RBM39: variants seen among roughly 807,000 people sequenced by gnomAD.
RBM39 encodes the protein RNA-binding protein 39.
A neutral mutation model predicts 79.6 loss-of-function variants in RBM39; 12 were observed. The ratio of observed to expected loss-of-function variants is 0.15; its 90% CI spans 0.10 to 0.24. The LOEUF is 0.24. Ranked by LOEUF, RBM39 falls within the 10% of genes least tolerant of loss-of-function variation. The probability of loss-of-function intolerance (pLI) is 1.00; values close to 1 mark genes in which losing one functional copy is unlikely to be tolerated. For synonymous variants in RBM39, 185 were observed against 208.4 expected (o/e 0.89, Z 0.97); for missense variants, 243 against 653.4 (o/e 0.37, Z 6.85).
intron 12 of RBM39, among the ~76,000 whole-genome samples, chr20:35,709,679 T>C (rs937875854): frequency 5.3e-5 from 8 of 152,310 alleles, no homozygotes; most frequent in Admixed American, 4.6e-4. Context: ...CTTAACACTT[T>C]AAAAGGATAT....
chr20:35,705,349 G>C lies in RBM39; in HGVS notation c.1308-19C>G, dbSNP rs1318288387. 7.3e-7 allele frequency: 1 copy of C among 1,374,354 alleles called. No individual in the cohort carries two copies. Among genetic ancestry groups the C allele is most frequent in the Non-Finnish European group, 1.0e-6 (1 of 980,878 alleles). 85.1% of individuals were successfully genotyped at this position (1,374,354 alleles called of 1,614,324 possible). On this transcript the variant is annotated intron_variant, in intron 14 of 16. Coordinates refer to ENST00000253363, the MANE Select transcript of RBM39 (RefSeq NM_184234.3). ...TTCTTCTCTGTAAGAAAGTATTAAG[G>C]ACTCTTAAATACTATTGAAACTAAC...
intron 15 of RBM39, chr20:35,704,952 G>A (rs141525465): frequency 6.5e-5 from 39 of 595,782 alleles, no homozygotes; most frequent in Admixed American, 2.3e-4. Context: ...TTTTCTCTAC[G>A]ATTTGTATGC....
intron 4 of RBM39, chr20:35,731,243 TA>T (rs1389995687): frequency 6.6e-6 from 1 of 152,206 alleles, no homozygotes; most frequent in African/African-American, 2.4e-5. Context: ...TAAAGATTGC[TA>T]GATGCAATCC....
At chr20:35,704,971 A>G in intron 15 of RBM39, 1 of 590,932 alleles carries the variant, frequency 1.7e-6, no homozygotes, top group South Asian at 2.2e-5. Context: ...GCAGCCTAAG[A>G]ATGAATCAAG....
At chr20:35,706,023 G>A (rs551650734) in intron 14 of RBM39, among the ~76,000 whole-genome samples, 3 of 151,138 alleles carry the variant, frequency 2.0e-5, no homozygotes, top group South Asian at 2.1e-4. Context: ...CCAACATGGC[G>A]AAACCCCAGC....
At position 35,724,666 on chromosome 20, in the gene RBM39, A is replaced by C. The variant is rs2038425642; in HGVS notation, c.591T>G (p.Ala197=). ...AGCTAACATCGACGAACTCCACATAAGCAATTCCTTTGGAACGTCTTGAAT... is the reference window on the plus strand; with the variant it reads ...AGCTAACATCGACGAACTCCACATACGCAATTCCTTTGGAACGTCTTGAAT... The part of the protein sequence containing the change: ...DRNSRRSKGI[A]YVEFVDVSSV... The change falls in exon 8 of 17, where the codon GCT becomes GCG. Residue 197 remains alanine (A), a synonymous_variant. Transcript: ENST00000253363. 1 of 1,614,060 alleles carries C rather than the reference A, an allele frequency of 6.2e-7. No individual in the cohort carries two copies. The highest frequency in any genetic ancestry group is 1.3e-5 in the African/African-American group (1 of 74,934).
intron 2 of RBM39, chr20:35,740,497 G>A (rs1364820250): frequency 7.9e-7 from 1 of 1,264,454 alleles, no homozygotes; most frequent in African/African-American, 1.5e-5. Context: ...GGGGACCACG[G>A]TACAGCGATA....
chr20:35,721,928 A>G (rs369659717), intron 8 of RBM39, 51 bp from the exon 9 acceptor site: 2 of 1,563,234 alleles, frequency 1.3e-6, no homozygotes, highest in Non-Finnish European at 1.8e-6. Context: ...CAGTTTAAAG[A>G]CATACACCTT....
chr20:35,741,437 T>C (rs2066066), intron 1 of RBM39: 28,513 of 152,810 alleles, frequency 0.19, 3,074 homozygotes, highest in African/African-American at 0.31. Flanking sequence ...TAAAGTGACA[T>C]GCACTTTAAC....
At chr20:35,729,278 T>C (rs763710512) in intron 6 of RBM39, 34 bp downstream of exon 6, 1 of 1,541,196 alleles carries the variant, frequency 6.5e-7, no homozygotes, top group Non-Finnish European at 8.7e-7. Flanking sequence ...GCAAAAGCTT[T>C]TTAAGAGCTA....
chr20:35,719,292 A>G (rs1387755128), intron 9 of RBM39, among the ~76,000 whole-genome samples: 1 of 152,010 alleles, frequency 6.6e-6, no homozygotes, highest in East Asian at 1.9e-4. Context: ...TCGGCCCCCA[A>G]AAGTGCAGGG....
At chr20:35,722,024 G>C (rs1390940922) in intron 8 of RBM39, 147 bp from the exon 9 acceptor site, 1 of 881,762 alleles carries the variant, frequency 1.1e-6, no homozygotes, top group Admixed American at 2.8e-5. Flanking sequence ...AACTTAATAG[G>C]AGGCATCTAG....
chr20:35,727,412 A>C (rs2146652240), intron 6 of RBM39, among the ~76,000 whole-genome samples: 1 of 151,888 alleles, frequency 6.6e-6, no homozygotes, highest in South Asian at 2.1e-4. Flanking sequence ...AAAAAAAAAA[A>C]AAAACACCCA....
chr20:35,705,584 G>A (rs1377232967), intron 14 of RBM39, among the ~76,000 whole-genome samples: 1 of 152,000 alleles, frequency 6.6e-6, no homozygotes, highest in Non-Finnish European at 1.5e-5. Flanking sequence ...GATCACCAGA[G>A]ATCAGGAGTT....
At chr20:35,710,102 A>T (rs1360142048) in intron 12 of RBM39, among the ~76,000 whole-genome samples, 2 of 152,212 alleles carry the variant, frequency 1.3e-5, no homozygotes, top group African/African-American at 4.8e-5. Flanking sequence ...CCACAGTGCT[A>T]TAATGCTCTC....
At chr20:35,734,155 T>C (rs1056877796) in intron 3 of RBM39, 115 of 1,243,564 alleles carry the variant, frequency 9.2e-5, no homozygotes, top group African/African-American at 2.3e-4. Context: ...ATCTTTAGAG[T>C]GCATTGAAAA....
Position 35,713,172 on chromosome 20 carries a change from G to C in RBM39, c.1097-76C>G, listed in dbSNP as rs141662103. ...AAGTTTCCTGGGTCATTAATATCAT[G>C]ATCACTTCACTAAAATAAATTGCAA... On this transcript the variant is annotated intron_variant, in intron 11 of 16. Transcript: ENST00000253363. 7.0e-4 allele frequency: 878 copies of C among 1,256,204 alleles called. 12 individuals carry two copies. The East Asian group carries it at 0.018, about 26-fold the overall frequency. 77.8% of individuals were successfully genotyped at this position (1,256,204 alleles called of 1,614,324 possible).
intron 8 of RBM39, 66 bp from the exon 9 acceptor site, chr20:35,721,943 T>C (rs2146601640): frequency 1.3e-6 from 2 of 1,520,624 alleles, no homozygotes; most frequent in East Asian, 2.3e-5. Context: ...CACCTTCCAT[T>C]TGCATAACAA....
intron 3 of RBM39, chr20:35,736,422 G>T: frequency 6.2e-6 from 2 of 322,228 alleles, no homozygotes; most frequent in Non-Finnish European, 1.3e-5. Context: ...ATTATTTTAG[G>T]GGAACTACAA....
Sources: allele counts gnomAD v4.1 joint callset (sites outside exome capture counted in the v4.1 genomes callset), GRCh38; gene constraint gnomAD v4.1.1; transcripts MANE v1.5; gene names NCBI Gene and HGNC (gene_info 2026-07-23, HGNC 2026-07-21).